Variants in CAMK2D observed in about 807,000 individuals in gnomAD.
CAMK2D encodes the protein calcium/calmodulin dependent protein kinase II delta.
CAMK2D carries 37 observed loss-of-function variants against 84.0 expected under a neutral mutation model. The observed-to-expected ratio is 0.44, with a 90% CI of 0.34 to 0.58. The LOEUF (loss-of-function observed/expected upper bound fraction) is 0.58, where lower values mean the gene tolerates loss of function less well. CAMK2D is among the 20% of genes least tolerant of loss of function. The probability of loss-of-function intolerance (pLI) is 0.02; values close to 1 mark genes in which losing one functional copy is unlikely to be tolerated. For missense variants in CAMK2D, 448 were observed against 652.5 expected (o/e 0.69, Z 3.41); for synonymous variants, 202 against 212.5 (o/e 0.95, Z 0.43).
At chr4:113,683,357 T>C (rs572660990) in intron 2 of CAMK2D, among the ~76,000 whole-genome samples, 28 of 152,228 alleles carry the variant, frequency 1.8e-4, no homozygotes, top group Non-Finnish European at 2.9e-4. Flanking sequence ...GCAGCACTGA[T>C]GATACAGGAA....
intron 2 of CAMK2D, among the ~76,000 whole-genome samples, chr4:113,687,502 C>T (rs556438072): frequency 6.6e-6 from 1 of 152,282 alleles, no homozygotes; most frequent in East Asian, 1.9e-4. Flanking sequence ...ATTAGGTGCA[C>T]TAGTGACTGA....
rs2097258874 is a variant in CAMK2D at position 113,451,752 on chromosome 4, C to T, written c.*2793G>A. 1 of 152,088 alleles carries T rather than the reference C, an allele frequency of 6.6e-6. No homozygotes were observed. The highest frequency in any genetic ancestry group is 6.6e-5 in the Admixed American group (1 of 15,256). 9.4% of individuals were successfully genotyped at this position (152,088 alleles called of 1,614,324 possible). A position where few individuals can be genotyped will look rare whatever the true frequency, so the allele number is the denominator to read the frequency against. Reference sequence around the variant, plus strand: ...ACATTATACTGCAGTAGAGGAGACACAAATAGAAATATATTTTCAAAACAA... The same window carrying T: ...ACATTATACTGCAGTAGAGGAGACATAAATAGAAATATATTTTCAAAACAA... On this transcript the variant is annotated 3_prime_UTR_variant, in exon 21 of 21. Transcript: ENST00000511664.
chr4:113,720,364 T>TCACACACA (rs1491434615), intron 2 of CAMK2D, among the ~76,000 whole-genome samples: 15 of 106,034 alleles, frequency 1.4e-4, no homozygotes, highest in Middle Eastern at 8.3e-3. Flanking sequence ...ACAATCACAT[T>TCACACACA]CTCACACACA....
intron 3 of CAMK2D, among the ~76,000 whole-genome samples, chr4:113,627,994 G>A (rs1469259049): frequency 6.6e-6 from 1 of 152,180 alleles, no homozygotes; most frequent in Non-Finnish European, 1.5e-5. Context: ...CTTATCAACT[G>A]ATCATGGCTC....
intron 1 of CAMK2D, among the ~76,000 whole-genome samples, chr4:113,760,140 T>C (rs910298322): frequency 2.6e-5 from 4 of 152,168 alleles, no homozygotes; most frequent in Admixed American, 2.6e-4. Context: ...GGTTCCATGC[T>C]ACAAAAATCA....
At chr4:113,696,087 T>C (rs189998438) in intron 2 of CAMK2D, among the ~76,000 whole-genome samples, 62 of 152,018 alleles carry the variant, frequency 4.1e-4, no homozygotes, top group Non-Finnish European at 6.2e-4. Flanking sequence ...TTCCTTTACC[T>C]CATTCAAAAC....
rs139282829 is a variant in CAMK2D, at chr4:113,744,480, T to G, written c.160+14840A>C. ...AAATCACTGCATTATCCTAATTTCC[T>G]TCATACCTTTCTGCCATATCCTTCC... On this transcript the variant is annotated intron_variant, in intron 2 of 20. Transcript: ENST00000511664. Among the ~76,000 whole-genome samples, 791 of 152,294 alleles carry G rather than the reference T, an allele frequency of 5.2e-3. 3 individuals carry two copies. Among genetic ancestry groups the G allele is most frequent in the Middle Eastern group, 0.01 (3 of 294 alleles).
chr4:113,576,759 A>C (rs2098784900), intron 4 of CAMK2D, among the ~76,000 whole-genome samples: 1 of 152,124 alleles, frequency 6.6e-6, no homozygotes, highest in Non-Finnish European at 1.5e-5. Context: ...AAGAGGCTAG[A>C]ATAATTTGTT....
chr4:113,620,131 G>A (rs2099039327), intron 3 of CAMK2D, among the ~76,000 whole-genome samples: 1 of 152,166 alleles, frequency 6.6e-6, no homozygotes, highest in African/African-American at 2.4e-5. Context: ...GATGGAGGTA[G>A]GGGATATTGA....
intron 4 of CAMK2D, among the ~76,000 whole-genome samples, chr4:113,602,979 C>T (rs2098959719): frequency 2.0e-5 from 3 of 152,120 alleles, no homozygotes; most frequent in Non-Finnish European, 4.4e-5. Context: ...GCCTTATCTG[C>T]TTAAGGCTGA....
Position 113,453,744 on chromosome 4 carries a change from A to G in CAMK2D, c.*801T>C, listed in dbSNP as rs1295405757. 1 of 152,498 alleles carries G rather than the reference A, an allele frequency of 6.6e-6. No individual in the cohort carries two copies. Among genetic ancestry groups the G allele is most frequent in the Admixed American group, 6.6e-5 (1 of 15,242 alleles). The allele number at this position is 152,498 out of a possible 1,614,324, so 9.4% of individuals were successfully genotyped here. On this transcript the variant is annotated 3_prime_UTR_variant, in exon 21 of 21. Coordinates refer to ENST00000511664, the MANE Select transcript of CAMK2D (RefSeq NM_001321571.2). ...AAAAGAATGGAACAAAAGAAAAATAAGAAAGCAAACGAAAGGAACAAAGAA... is the reference window on the plus strand; with the variant it reads ...AAAAGAATGGAACAAAAGAAAAATAGGAAAGCAAACGAAAGGAACAAAGAA...
intron 16 of CAMK2D, among the ~76,000 whole-genome samples, chr4:113,490,349 C>T (rs1326128727): frequency 7.0e-6 from 1 of 143,738 alleles, no homozygotes; most frequent in Non-Finnish European, 1.5e-5. Flanking sequence ...CCAGTTTCAG[C>T]TTTCTACATA....
chr4:113,465,068 T>C (rs2097440659), intron 17 of CAMK2D, among the ~76,000 whole-genome samples: 1 of 152,204 alleles, frequency 6.6e-6, no homozygotes, highest in South Asian at 2.1e-4. Context: ...GGTCTCACTC[T>C]GTCACCCAGG....
chr4:113,558,796 T>C (rs2098683671), intron 4 of CAMK2D, among the ~76,000 whole-genome samples: 1 of 148,942 alleles, frequency 6.7e-6, no homozygotes, highest in Non-Finnish European at 1.5e-5. Flanking sequence ...TGCTTGAGCC[T>C]AGGAGTTCAA....
chr4:113,456,858 G>C (rs1484486697), intron 19 of CAMK2D: 1 of 157,200 alleles, frequency 6.4e-6, no homozygotes, highest in Non-Finnish European at 1.4e-5. Flanking sequence ...GAGTGGTGAG[G>C]TGAGAATGAC....
chr4:113,688,002 T>C (rs555428542), intron 2 of CAMK2D, among the ~76,000 whole-genome samples: 15 of 152,278 alleles, frequency 9.9e-5, no homozygotes, highest in African/African-American at 3.4e-4. Context: ...AAATAAAACA[T>C]TCACTAGGTA....
At chr4:113,649,466 A>AT (rs889597188) in intron 3 of CAMK2D, among the ~76,000 whole-genome samples, 1 of 151,906 alleles carries the variant, frequency 6.6e-6, no homozygotes, top group Non-Finnish European at 1.5e-5. Context: ...TTTTAACTCT[A>AT]TTTTTTCTTT....
intron 6 of CAMK2D, among the ~76,000 whole-genome samples, chr4:113,547,299 ATGTT>A (rs1346235942): frequency 6.6e-6 from 1 of 152,236 alleles, no homozygotes; most frequent in African/African-American, 2.4e-5. Flanking sequence ...TGAATATAAA[ATGTT>A]TGATCAATGT....
chr4:113,495,576 T>C (rs17046109), intron 16 of CAMK2D, among the ~76,000 whole-genome samples: 5,638 of 152,266 alleles, frequency 0.037, 286 homozygotes, highest in African/African-American at 0.12. Context: ...ATCAAGTGAT[T>C]CTATAAATTA....
Sources: allele counts gnomAD v4.1 joint callset (sites outside exome capture counted in the v4.1 genomes callset), GRCh38; gene constraint gnomAD v4.1.1; transcripts MANE v1.5; gene names NCBI Gene and HGNC (gene_info 2026-07-23, HGNC 2026-07-21).